RNF220: variants seen among roughly 807,000 people sequenced by gnomAD.
RNF220 encodes the protein ring finger protein 220, also known as E3 ubiquitin-protein ligase RNF220.
In RNF220, 7 loss-of-function variants were observed where a neutral mutation model predicts 67.1. The observed-to-expected ratio is 0.10, with a 90% CI of 0.06 to 0.20. The LOEUF is 0.20. Ranked by LOEUF, RNF220 falls within the 10% of genes least tolerant of loss-of-function variation. The pLI is 1.00. For missense variants in RNF220, 565 were observed against 740.3 expected (o/e 0.76, Z 2.75); for synonymous variants, 270 against 283.2 (o/e 0.95, Z 0.47).
chr1:44,481,446 A>G (rs1006621450), intron 2 of RNF220, among the ~76,000 whole-genome samples: 2 of 152,110 alleles, frequency 1.3e-5, no homozygotes, highest in Non-Finnish European at 2.9e-5. Flanking sequence ...ACAGAAAACC[A>G]AACACCGCAT....
chr1:44,415,804 C>T (rs1648470892), intron 2 of RNF220, among the ~76,000 whole-genome samples: 1 of 152,080 alleles, frequency 6.6e-6, no homozygotes, highest in Non-Finnish European at 1.5e-5. Flanking sequence ...ATAATGGAAA[C>T]ACTGACAGTT....
At chr1:44,577,487 C>T (rs540467699) in intron 2 of RNF220, among the ~76,000 whole-genome samples, 1 of 152,332 alleles carries the variant, frequency 6.6e-6, no homozygotes, top group Admixed American at 6.5e-5. Context: ...TGTGTCCATC[C>T]CTGATCCTAT....
chr1:44,480,968 T>C (rs1340432668), intron 2 of RNF220, among the ~76,000 whole-genome samples: 1 of 152,192 alleles, frequency 6.6e-6, no homozygotes, highest in African/African-American at 2.4e-5. Flanking sequence ...GAGATGTACA[T>C]GTCTTCAGGA....
rs529770422 is a variant in RNF220 at position 44,480,808 on chromosome 1, C to T, written c.625+68086C>T. On this transcript the variant is annotated intron_variant, in intron 2 of 14. Transcript: ENST00000361799. Reference sequence around the variant, plus strand: ...GGCTAAAGCAGAAAAATTGCTGGAACGTGGGAGGCAGAGGTTGCAGTGAGC... The same window carrying T: ...GGCTAAAGCAGAAAAATTGCTGGAATGTGGGAGGCAGAGGTTGCAGTGAGC... Among the ~76,000 whole-genome samples the T allele has an allele frequency of 2.6e-5, 4 of 152,162 alleles. No individual in the cohort carries two copies. In the South Asian group the frequency reaches 6.2e-4, roughly 24 times the overall value.
At chr1:44,604,688 A>C (rs1324725046) in intron 2 of RNF220, among the ~76,000 whole-genome samples, 1 of 152,254 alleles carries the variant, frequency 6.6e-6, no homozygotes, top group Non-Finnish European at 1.5e-5. Context: ...GCTGTCTTGC[A>C]GATGTTTGCC....
intron 2 of RNF220, among the ~76,000 whole-genome samples, chr1:44,518,004 G>A (rs555160048): frequency 6.6e-6 from 1 of 152,310 alleles, no homozygotes; most frequent in South Asian, 2.1e-4. Flanking sequence ...CTACTTGGGA[G>A]GCTGAGGCAG....
At chr1:44,642,574 C>T (rs1644518519) in intron 8 of RNF220, among the ~76,000 whole-genome samples, 1 of 152,142 alleles carries the variant, frequency 6.6e-6, no homozygotes, top group Admixed American at 6.5e-5. Context: ...TTTGGGAGAC[C>T]ACAGTAGCTC....
intron 2 of RNF220, among the ~76,000 whole-genome samples, chr1:44,454,604 GTTTT>G (rs1278223346): frequency 6.8e-6 from 1 of 146,790 alleles, no homozygotes; most frequent in Non-Finnish European, 1.5e-5. Flanking sequence ...CAAGTTTATT[GTTTT>G]TTTGTTTGTT....
At chr1:44,557,565 G>GTTCA (rs142044059) in intron 2 of RNF220, among the ~76,000 whole-genome samples, 38,852 of 148,756 alleles carry the variant, frequency 0.26, 5,283 homozygotes, top group African/African-American at 0.31. Flanking sequence ...ATATTCACTC[G>GTTCA]TTCATTCATT....
At chr1:44,489,305 A>G (rs1656637197) in intron 2 of RNF220, among the ~76,000 whole-genome samples, 1 of 152,230 alleles carries the variant, frequency 6.6e-6, no homozygotes, top group Non-Finnish European at 1.5e-5. Flanking sequence ...GTAGCATCAG[A>G]CAAGCATTTG....
At chr1:44,426,734 AAAAAAAAG>A (rs1649818011) in intron 2 of RNF220, among the ~76,000 whole-genome samples, 1 of 151,864 alleles carries the variant, frequency 6.6e-6, no homozygotes. Flanking sequence ...CTCAAAAAAA[AAAAAAAAG>A]AAAGAAAGAA....
intron 5 of RNF220, among the ~76,000 whole-genome samples, chr1:44,628,017 C>T (rs961318740): frequency 6.6e-6 from 1 of 152,186 alleles, no homozygotes; most frequent in Non-Finnish European, 1.5e-5. Context: ...CTAAGGGAAC[C>T]CCAGTTTCAG....
chr1:44,627,802 G>C (rs1416107569), intron 5 of RNF220, among the ~76,000 whole-genome samples: 1 of 152,208 alleles, frequency 6.6e-6, no homozygotes. Flanking sequence ...GGGCCCTGCT[G>C]GCACACCTGA....
In RNF220 at chr1:44,471,686, G is replaced by T. The variant is rs929566784; in HGVS notation, c.625+58964G>T. 3.3e-5 allele frequency among the ~76,000 whole-genome samples: 5 copies of T among 152,072 alleles called. No homozygotes were observed. In the South Asian group the frequency reaches 1.0e-3, roughly 32 times the overall value. ...TAAAAATACAAAAAATTGGCTGGGCGTGGTGGCACATGCCTGTAATCCCAG... is the reference window on the plus strand; with the variant it reads ...TAAAAATACAAAAAATTGGCTGGGCTTGGTGGCACATGCCTGTAATCCCAG... On this transcript the variant is annotated intron_variant, in intron 2 of 14. Coordinates refer to ENST00000361799, the MANE Select transcript of RNF220 (RefSeq NM_018150.4).
At chr1:44,514,255 G>A (rs1251308860) in intron 2 of RNF220, among the ~76,000 whole-genome samples, 1 of 152,182 alleles carries the variant, frequency 6.6e-6, no homozygotes, top group Non-Finnish European at 1.5e-5. Flanking sequence ...TTTGTTAAAT[G>A]AGCGGCCTAA....
chr1:44,425,967 C>G lies in RNF220; in HGVS notation c.625+13245C>G, dbSNP rs576431161. ...GACAGTCTGTGTTCCCTGAGACCGA[C>G]CGCAGCACTATTTTTCTAGGTGTTT... On this transcript the variant is annotated intron_variant, in intron 2 of 14. Transcript: ENST00000361799. Among the ~76,000 whole-genome samples, 29 of 152,304 alleles carry G rather than the reference C, an allele frequency of 1.9e-4. 1 individual carries two copies. In the South Asian group the frequency reaches 5.6e-3, roughly 29 times the overall value.
intron 2 of RNF220, among the ~76,000 whole-genome samples, chr1:44,553,409 A>C (rs888773707): frequency 1.4e-5 from 2 of 146,436 alleles, no homozygotes; most frequent in Admixed American, 1.4e-4. Flanking sequence ...TGAATGAATG[A>C]ATGCTTCATG....
chr1:44,627,497 T>C (rs1643992262), intron 5 of RNF220, among the ~76,000 whole-genome samples: 1 of 151,984 alleles, frequency 6.6e-6, no homozygotes, highest in African/African-American at 2.4e-5. Flanking sequence ...CACACAGTCC[T>C]ACAATATCAT....
At chr1:44,456,961 G>A (rs4233494) in intron 2 of RNF220, among the ~76,000 whole-genome samples, 80,627 of 151,780 alleles carry the variant, frequency 0.53, 22,632 homozygotes, top group Admixed American at 0.64. Flanking sequence ...CCCTGGATCT[G>A]GAACACACGT....
Sources: gnomAD v4.1 joint callset for allele counts (sites outside exome capture counted in the v4.1 genomes callset) on GRCh38, gnomAD v4.1.1 for gene constraint, MANE v1.5 for transcripts, NCBI Gene and HGNC (gene_info 2026-07-23, HGNC 2026-07-21) for gene names.